The following WDR64 variants were observed in gnomAD, a reference collection of about 807,000 sequenced individuals.
WDR64 encodes WD repeat-containing protein 64.
A neutral mutation model predicts 139.3 loss-of-function variants in WDR64; 112 were observed. That is an observed-to-expected ratio of 0.80 (90% CI 0.69 to 0.94). The LOEUF (loss-of-function observed/expected upper bound fraction) is 0.94. WDR64 is among the 40% of genes least tolerant of loss of function. WDR64 has a pLI of 0.00. For missense variants in WDR64, 1,206 were observed against 1,293.1 expected (o/e 0.93, Z 1.03); for synonymous variants, 444 against 437.7 (o/e 1.01, Z -0.18).
chr1:241,784,976 A>AAAAAAAAAAAAAAAAAG (rs138513526), intron 23 of WDR64, among the ~76,000 whole-genome samples: 2,467 of 98,132 alleles, frequency 0.025, 391 homozygotes, highest in East Asian at 0.065. Flanking sequence ...AAAAAAAAAA[A>AAAAAAAAAAAAAAAAAG]GAAAGGACAT....
chr1:241,774,901 A>G (rs547204078), intron 20 of WDR64, among the ~76,000 whole-genome samples: 4 of 152,334 alleles, frequency 2.6e-5, no homozygotes, highest in Admixed American at 2.0e-4. Context: ...ACAGTTGTCC[A>G]TACCTTTAGT....
At chr1:241,694,301 C>T (rs1558476197) in intron 8 of WDR64, among the ~76,000 whole-genome samples, 1 of 151,894 alleles carries the variant, frequency 6.6e-6, no homozygotes, top group Non-Finnish European at 1.5e-5. Context: ...ATGAAAGATA[C>T]TTTTTTTTCA....
intron 14 of WDR64, among the ~76,000 whole-genome samples, chr1:241,755,477 T>C (rs1558509176): frequency 2.0e-5 from 3 of 152,188 alleles, no homozygotes; most frequent in African/African-American, 7.2e-5. Flanking sequence ...CTTTGTCAGA[T>C]AGATTGCAAA....
At chr1:241,772,988 AT>A in intron 20 of WDR64, 57 bp downstream of exon 20, 1 of 1,499,008 alleles carries the variant, frequency 6.7e-7, no homozygotes, top group South Asian at 1.3e-5. Context: ...AAAAAGAATC[AT>A]TAAATGAATC....
At position 241,721,235 on chromosome 1, in the gene WDR64, G is replaced by A. The variant is rs137968503; in HGVS notation, c.1055-2062G>A. 3.7e-4 allele frequency among the ~76,000 whole-genome samples: 57 copies of A among 152,208 alleles called. 2 individuals carry two copies. In the South Asian group the frequency reaches 9.5e-3, roughly 25 times the overall value. Reference sequence around the variant, plus strand: ...GTTTGAAGTGGGATAGTGTGATGCCGTCAGCTTCGTTCTTTTTGCTTAGGA... The same window carrying A: ...GTTTGAAGTGGGATAGTGTGATGCCATCAGCTTCGTTCTTTTTGCTTAGGA... On this transcript the variant is annotated intron_variant, in intron 9 of 27. Transcript: ENST00000437684.
chr1:241,796,957 T>G (rs911992848), intron 27 of WDR64, among the ~76,000 whole-genome samples: 3 of 152,206 alleles, frequency 2.0e-5, no homozygotes, highest in African/African-American at 7.2e-5. Flanking sequence ...ACTGAGCTGT[T>G]TTAGAAACTA....
chr1:241,710,363 G>A (rs1389281968), intron 8 of WDR64, among the ~76,000 whole-genome samples: 1 of 152,184 alleles, frequency 6.6e-6, no homozygotes, highest in Non-Finnish European at 1.5e-5. Flanking sequence ...CGGTGATGGA[G>A]CCAGGATGGA....
chr1:241,655,498 A>G (rs1665552963), intron 1 of WDR64, among the ~76,000 whole-genome samples: 1 of 152,078 alleles, frequency 6.6e-6, no homozygotes. Context: ...CTGGTTTATT[A>G]GCTCACCTCT....
intron 8 of WDR64, among the ~76,000 whole-genome samples, chr1:241,706,355 T>C (rs12737456): frequency 0.15 from 22,765 of 152,208 alleles, 1,841 homozygotes; most frequent in South Asian, 0.19. Flanking sequence ...AGATTTGCTG[T>C]TGGGGCGAGG....
intron 2 of WDR64, among the ~76,000 whole-genome samples, chr1:241,667,307 G>T (rs192764616): frequency 6.6e-6 from 1 of 152,090 alleles, no homozygotes; most frequent in Non-Finnish European, 1.5e-5. Context: ...TCTACTTTGC[G>T]TAAGTCCTTT....
intron 15 of WDR64, among the ~76,000 whole-genome samples, chr1:241,763,634 G>A (rs1427343083): frequency 2.0e-5 from 3 of 152,192 alleles, no homozygotes; most frequent in Non-Finnish European, 4.4e-5. Flanking sequence ...GAACCTGGAA[G>A]GTGGAGGATG....
chr1:241,674,782 AT>A, intron 4 of WDR64, 35 bp downstream of exon 4: 1 of 1,283,798 alleles, frequency 7.8e-7, no homozygotes, highest in Non-Finnish European at 1.1e-6. Context: ...TGAATGACTC[AT>A]TTTACAATAA....
intron 9 of WDR64, among the ~76,000 whole-genome samples, chr1:241,719,386 A>G (rs1385318433): frequency 6.6e-6 from 1 of 152,176 alleles, no homozygotes; most frequent in East Asian, 1.9e-4. Context: ...ATAATTAACT[A>G]TGAAGGATGA....
intron 10 of WDR64, among the ~76,000 whole-genome samples, chr1:241,737,538 G>A (rs750137631): frequency 2.0e-5 from 3 of 151,968 alleles, no homozygotes; most frequent in Non-Finnish European, 4.4e-5. Context: ...ATTATTTAAG[G>A]GCTGACGTAG....
Position 241,683,616 on chromosome 1 carries a change from G to T in WDR64, c.754G>T (p.Val252Phe). The T allele has an allele frequency of 6.4e-7, 1 of 1,551,554 alleles. No individual in the cohort carries two copies. Among genetic ancestry groups the T allele is most frequent in the African/African-American group, 1.4e-5 (1 of 73,116 alleles). Residue 252 changes from valine to phenylalanine, a missense_variant, in exon 7 of 28, where the codon GTC (valine) becomes TTC (phenylalanine). Val to Phe is a conservative substitution (Grantham distance 50). Transcript: ENST00000437684. Reference sequence around the variant, plus strand: ...TGGGGGTTTTGTGAACAGATTCACAGTCAACAGTGATGACTTTGGAATAAA... The same window carrying T: ...TGGGGGTTTTGTGAACAGATTCACATTCAACAGTGATGACTTTGGAATAAA... ...DDGGFVNRFT[V>F]NSDDFGIKQA...
chr1:241,677,340 G>A, intron 4 of WDR64: 1 of 398,490 alleles, frequency 2.5e-6, no homozygotes. Flanking sequence ...CCACCTAGAA[G>A]TCAGTCCCGG....
chr1:241,793,950 G>A (rs1400935597), intron 25 of WDR64, among the ~76,000 whole-genome samples: 1 of 152,194 alleles, frequency 6.6e-6, no homozygotes, highest in East Asian at 1.9e-4. Context: ...GGGAGGCTGA[G>A]GCGGGTGGAT....
intron 23 of WDR64, among the ~76,000 whole-genome samples, chr1:241,787,319 G>A (rs1165572243): frequency 1.4e-5 from 2 of 143,160 alleles, no homozygotes; most frequent in African/African-American, 2.6e-5. Context: ...AGCCGAGATG[G>A]CACCACTGCA....
chr1:241,764,634 T>C (rs1307161584), intron 15 of WDR64, among the ~76,000 whole-genome samples: 4 of 151,878 alleles, frequency 2.6e-5, no homozygotes, highest in Admixed American at 1.3e-4. Flanking sequence ...GCAGACCAGC[T>C]TGAGTGACAG....
Sources: gnomAD v4.1 joint callset for allele counts (sites outside exome capture counted in the v4.1 genomes callset) on GRCh38, gnomAD v4.1.1 for gene constraint, MANE v1.5 for transcripts, NCBI Gene and HGNC (gene_info 2026-07-23, HGNC 2026-07-21) for gene names.